The following ZNF891 variants were observed in gnomAD, a reference collection of about 807,000 sequenced individuals.
ZNF891 encodes the protein zinc finger protein 891.
For missense variants in ZNF891, 589 were observed against 632.7 expected (o/e 0.93, Z 0.74); for synonymous variants, 199 against 209.0 (o/e 0.95, Z 0.41).
rs970177676 is a variant in ZNF891 at position 133,105,945 on chromosome 12, A to C, written c.*14339T>G. 62 of 1,614,064 alleles carry C rather than the reference A, an allele frequency of 3.8e-5. No individual in the cohort carries two copies. The highest frequency in any genetic ancestry group is 5.1e-5 in the Non-Finnish European group (60 of 1,180,038). Reference sequence around the variant, plus strand: ...AAACCCCATGAGTGTAAGGACTGTAATAAAACATTCAGTTACCTTTCATTT... The same window carrying C: ...AAACCCCATGAGTGTAAGGACTGTACTAAAACATTCAGTTACCTTTCATTT... On this transcript the variant is annotated 3_prime_UTR_variant, in exon 2 of 2. Transcript: ENST00000537226.
At chr12:133,127,112 G>A (rs113319207) in intron 1 of ZNF891, among the ~76,000 whole-genome samples, 2 of 150,696 alleles carry the variant, frequency 1.3e-5, no homozygotes, top group African/African-American at 2.4e-5. Context: ...TACAGGCGCC[G>A]GCCACCACGC....
chr12:133,125,128 T>C (rs189227225), intron 1 of ZNF891, among the ~76,000 whole-genome samples: 3 of 152,264 alleles, frequency 2.0e-5, no homozygotes, highest in Admixed American at 2.0e-4. Flanking sequence ...ATTTTAAAAA[T>C]TCACGAGAAA....
In ZNF891 at chr12:133,120,958, CAT is replaced by C. The variant is rs1566335797; in HGVS notation, c.959_960del (p.His320ArgfsTer14). On this transcript the variant is annotated frameshift_variant, in exon 2 of 2. Coordinates refer to ENST00000537226, the MANE Select transcript of ZNF891 (RefSeq NM_001277291.2). LOFTEE classifies it low-confidence loss of function (END_TRUNC). ...KQGQTHTEKK[H>X]ECNQCGKAFK... is the part of the protein sequence containing the mutation. ...AAGGCTTTTCCACATTGATTGCATT[CAT>C]GTTTCTTTTCAGTATGAGTTTGTCC... The C allele has an allele frequency of 7.2e-6, 11 of 1,535,848 alleles. No homozygotes were observed. The South Asian group carries it at 1.3e-4, about 18-fold the overall frequency.
At position 133,119,207 on chromosome 12, in the gene ZNF891, C is replaced by G. The variant is rs1955733184; in HGVS notation, c.*1077G>C. 2 of 150,242 alleles carry G rather than the reference C, an allele frequency of 1.3e-5. No homozygotes were observed. Among genetic ancestry groups the G allele is most frequent in the Admixed American group, 1.3e-4 (2 of 15,050 alleles). 9.3% of individuals were successfully genotyped at this position (150,242 alleles called of 1,614,324 possible). A position where few individuals can be genotyped will look rare whatever the true frequency, so the allele number is the denominator to read the frequency against. ...TGCATTCTAGCCTGAGAGACAGAGACTCTGTCTGAAAAATTGAAAAAAAAA... is the reference window on the plus strand; with the variant it reads ...TGCATTCTAGCCTGAGAGACAGAGAGTCTGTCTGAAAAATTGAAAAAAAAA... On this transcript the variant is annotated 3_prime_UTR_variant, in exon 2 of 2. Transcript: ENST00000537226.
Position 133,106,848 on chromosome 12 carries a change from TA to T in ZNF891, c.*13435del, listed in dbSNP as rs1955618955. ...GAAAAGCCATTAATAACCACTCTTT[TA>T]TTTTTTTGCAATAACAAGGTGAAAT... On this transcript the variant is annotated 3_prime_UTR_variant, in exon 2 of 2. Coordinates refer to ENST00000537226, the MANE Select transcript of ZNF891 (RefSeq NM_001277291.2). 5 of 450,624 alleles carry T rather than the reference TA, an allele frequency of 1.1e-5. No individual in the cohort carries two copies. Among genetic ancestry groups the T allele is most frequent in the Admixed American group, 7.8e-5 (2 of 25,506 alleles). 27.9% of individuals were successfully genotyped at this position (450,624 alleles called of 1,614,324 possible).
rs550203150 is a variant in ZNF891, at chr12:133,115,390, CAAAAAAAAAAAAAA to C, written c.*4880_*4893del. 7 of 34,354 alleles carry C rather than the reference CAAAAAAAAAAAAAA, an allele frequency of 2.0e-4. No homozygotes were observed. The highest frequency in any genetic ancestry group is 5.4e-4 in the African/African-American group (6 of 11,046). 2.1% of individuals were successfully genotyped at this position (34,354 alleles called of 1,614,324 possible). A position where few individuals can be genotyped will look rare whatever the true frequency, so the allele number is the denominator to read the frequency against. On this transcript the variant is annotated 3_prime_UTR_variant, in exon 2 of 2. Coordinates refer to ENST00000537226, the MANE Select transcript of ZNF891 (RefSeq NM_001277291.2). ...CCTGGGAAAAAGCAAAACTCCTTCT[CAAAAAAAAAAAAAA>C]AAAAAAAAAAAAGATGTGGGATAAA... is the stretch of plus-strand genomic sequence containing the variant.
intron 1 of ZNF891, chr12:133,122,370 T>A (rs1013220714): frequency 1.3e-4 from 41 of 315,236 alleles, no homozygotes; most frequent in Admixed American, 6.4e-5. Context: ...CTTTTTTAAC[T>A]TTTGGGGACA....
At chr12:133,128,434 C>T (rs534562261) in intron 1 of ZNF891, among the ~76,000 whole-genome samples, 228 of 152,226 alleles carry the variant, frequency 1.5e-3, no homozygotes, top group African/African-American at 5.1e-3. Context: ...GAGTTCGAGA[C>T]CAGCCTGGGC....
rs753310781 is a variant in ZNF891, at chr12:133,120,847, T to C, written c.1072A>G (p.Asn358Asp). ...YECKECGKVFNDSSTLRRHVR... is the reference protein window; with the variant it reads ...YECKECGKVFDDSSTLRRHVR... ...TGTCTCCTTAAGGTTGAGGAATCAT[T>C]GAACACTTTACCACATTCTTTACAT... Residue 358 changes from asparagine to aspartate, a missense_variant, in exon 2 of 2, where the codon AAT becomes GAT. By Grantham distance (23) the Asn-to-Asp change is conservative (BLOSUM62 1). Transcript: ENST00000537226. 3 of 1,551,506 alleles carry C rather than the reference T, an allele frequency of 1.9e-6. No individual in the cohort carries two copies. Among genetic ancestry groups the C allele is most frequent in the South Asian group, 1.2e-5 (1 of 84,448 alleles).
At position 133,110,803 on chromosome 12, in the gene ZNF891, T is replaced by G. The variant is rs1225803343; in HGVS notation, c.*9481A>C. 2 of 152,026 alleles carry G rather than the reference T, an allele frequency of 1.3e-5. No homozygotes were observed. The highest frequency in any genetic ancestry group is 4.8e-5 in the African/African-American group (2 of 41,460). The allele number at this position is 152,026 out of a possible 1,614,324, so 9.4% of individuals were successfully genotyped here. A position where few individuals can be genotyped will look rare whatever the true frequency, so the allele number is the denominator to read the frequency against. ...CATTGCTACTAAAAATACAAAAAAT[T>G]AGTTGGGTGTGGCGGTGCATGCCTG... On this transcript the variant is annotated 3_prime_UTR_variant, in exon 2 of 2. Coordinates refer to ENST00000537226, the MANE Select transcript of ZNF891 (RefSeq NM_001277291.2).
chr12:133,121,159 G>A lies in ZNF891; in HGVS notation c.760C>T (p.Leu254=), dbSNP rs1955755066. 1 of 1,535,364 alleles carries A rather than the reference G, an allele frequency of 6.5e-7. No individual in the cohort carries two copies. Among genetic ancestry groups the A allele is most frequent in the Non-Finnish European group, 8.7e-7 (1 of 1,146,748 alleles). ...GTTTGATTTCTCTGAAAATGCCATA[G>A]AGTTGTATCACATTCATGACTTTCA... ...LYESHECDTT[L]WHFQRNQTVQ... is the part of the protein sequence containing the mutation. Residue 254 remains leucine, a synonymous_variant, in exon 2 of 2, where the codon CTA becomes TTA. Transcript: ENST00000537226.
rs1283215921 is a variant in ZNF891, at chr12:133,112,189, T to G, written c.*8095A>C. The G allele has an allele frequency of 1.3e-5, 2 of 151,786 alleles. No homozygotes were observed. Among genetic ancestry groups the G allele is most frequent in the African/African-American group, 4.9e-5 (2 of 41,170 alleles). 9.4% of individuals were successfully genotyped at this position (151,786 alleles called of 1,614,324 possible). On this transcript the variant is annotated 3_prime_UTR_variant, in exon 2 of 2. Coordinates refer to ENST00000537226, the MANE Select transcript of ZNF891 (RefSeq NM_001277291.2). ...CAAATATGTCAAATCCTGATGAGTCTTTTTGCTCTTGCTGTTCTATTTAGA... is the reference window on the plus strand; with the variant it reads ...CAAATATGTCAAATCCTGATGAGTCGTTTTGCTCTTGCTGTTCTATTTAGA...
At position 133,111,354 on chromosome 12, in the gene ZNF891, T is replaced by C. The variant is rs917200565; in HGVS notation, c.*8930A>G. 2.0e-5 allele frequency: 3 copies of C among 151,910 alleles called. No individual in the cohort carries two copies. Among genetic ancestry groups the C allele is most frequent in the African/African-American group, 7.2e-5 (3 of 41,384 alleles). The allele number at this position is 151,910 out of a possible 1,614,324, so 9.4% of individuals were successfully genotyped here. A position where few individuals can be genotyped will look rare whatever the true frequency, so the allele number is the denominator to read the frequency against. ...ACAAAAAATACAAATAAAAAAATTA[T>C]CCAGGTGTAATAGCACATGCCTGTG... On this transcript the variant is annotated 3_prime_UTR_variant, in exon 2 of 2. Transcript: ENST00000537226.
Position 133,120,081 on chromosome 12 carries a change from T to A in ZNF891, c.*203A>T. The A allele has an allele frequency of 2.2e-6, 1 of 451,154 alleles. No homozygotes were observed. The highest frequency in any genetic ancestry group is 3.8e-5 in the Admixed American group (1 of 26,162). The allele number at this position is 451,154 out of a possible 1,614,324, so 27.9% of individuals were successfully genotyped here. ...CCAACAATAAAAAGATAACTGAAAATATACCTACCTCACATATTAAAAATA... is the reference window on the plus strand; with the variant it reads ...CCAACAATAAAAAGATAACTGAAAAAATACCTACCTCACATATTAAAAATA... On this transcript the variant is annotated 3_prime_UTR_variant, in exon 2 of 2. Coordinates refer to ENST00000537226, the MANE Select transcript of ZNF891 (RefSeq NM_001277291.2).
Position 133,115,022 on chromosome 12 carries a change from T to C in ZNF891, c.*5262A>G, listed in dbSNP as rs1955707519. On this transcript the variant is annotated 3_prime_UTR_variant, in exon 2 of 2. Coordinates refer to ENST00000537226, the MANE Select transcript of ZNF891 (RefSeq NM_001277291.2). ...GGAGGCAAATGGATCAAATACATTA[T>C]GGTACAAGCATATAATCAAATACTA... The C allele has an allele frequency of 1.3e-5, 2 of 152,184 alleles. No individual in the cohort carries two copies. Among genetic ancestry groups the C allele is most frequent in the South Asian group, 2.1e-4 (1 of 4,826 alleles). The allele number at this position is 152,184 out of a possible 1,614,324, so 9.4% of individuals were successfully genotyped here.
At chr12:133,126,132 T>A (rs1412612782) in intron 1 of ZNF891, among the ~76,000 whole-genome samples, 2 of 152,134 alleles carry the variant, frequency 1.3e-5, no homozygotes, top group Non-Finnish European at 2.9e-5. Flanking sequence ...GGATTTTTTT[T>A]AATTTCCCAG....
rs1390477695 is a variant in ZNF891 at position 133,111,561 on chromosome 12, C to A, written c.*8723G>T. The A allele has an allele frequency of 6.6e-6, 1 of 152,146 alleles. No homozygotes were observed. Among genetic ancestry groups the A allele is most frequent in the Non-Finnish European group, 1.5e-5 (1 of 68,020 alleles). 9.4% of individuals were successfully genotyped at this position (152,146 alleles called of 1,614,324 possible). On this transcript the variant is annotated 3_prime_UTR_variant, in exon 2 of 2. Transcript: ENST00000537226. Reference sequence around the variant, plus strand: ...TAAAATAAATTCTGCATCATGAACACCCTCAATATCACAAAGGACAAAATT... The same window carrying A: ...TAAAATAAATTCTGCATCATGAACAACCTCAATATCACAAAGGACAAAATT...
Position 133,119,249 on chromosome 12 carries a change from A to G in ZNF891, c.*1035T>C, listed in dbSNP as rs554723028. On this transcript the variant is annotated 3_prime_UTR_variant, in exon 2 of 2. Coordinates refer to ENST00000537226, the MANE Select transcript of ZNF891 (RefSeq NM_001277291.2). The stretch of plus-strand genomic sequence containing the variant: ...AAAAAAAAAAAGAAAAAATCAATTA[A>G]CATATTTTTCTTGGCCGGGCACAGT... The G allele has an allele frequency of 3.3e-5, 5 of 152,210 alleles. No individual in the cohort carries two copies. In the East Asian group the frequency reaches 9.7e-4, roughly 29 times the overall value. 9.4% of individuals were successfully genotyped at this position (152,210 alleles called of 1,614,324 possible). A position where few individuals can be genotyped will look rare whatever the true frequency, so the allele number is the denominator to read the frequency against.
intron 1 of ZNF891, 141 bp from the exon 2 acceptor site, chr12:133,122,165 T>C (rs1169138659): frequency 8.1e-6 from 10 of 1,233,686 alleles, no homozygotes; most frequent in Non-Finnish European, 1.0e-5. Context: ...TACTGGGATT[T>C]GTACTGACAT....
Sources: gnomAD v4.1 joint callset for allele counts (sites outside exome capture counted in the v4.1 genomes callset) on GRCh38, gnomAD v4.1.1 for gene constraint, MANE v1.5 for transcripts, NCBI Gene and HGNC (gene_info 2026-07-23, HGNC 2026-07-21) for gene names.